Variants in DOCK1 observed in about 807,000 individuals in gnomAD.
DOCK1 encodes the protein dedicator of cytokinesis protein 1.
A neutral mutation model predicts 262.7 loss-of-function variants in DOCK1; 138 were observed. The observed-to-expected ratio is 0.53, with a 90% confidence interval of 0.46 to 0.61. The LOEUF is 0.61. Ranked by LOEUF, DOCK1 falls within the 20% of genes least tolerant of loss-of-function variation. The pLI is 0.00. For missense variants in DOCK1, 1,908 were observed against 2,370.7 expected (o/e 0.80, Z 4.05); for synonymous variants, 866 against 867.4 (o/e 1.00, Z 0.03).
At chr10:127,205,271 C>T (rs893388544) in intron 27 of DOCK1, among the ~76,000 whole-genome samples, 7 of 151,966 alleles carry the variant, frequency 4.6e-5, no homozygotes, top group Admixed American at 1.3e-4. Context: ...CTTTTTGGTC[C>T]GTGGGTGTTA....
At chr10:127,362,881 A>ATGTACATC (rs1210679096) in intron 33 of DOCK1, among the ~76,000 whole-genome samples, 14 of 133,660 alleles carry the variant, frequency 1.0e-4, no homozygotes, top group African/African-American at 3.8e-4. Context: ...ACACATACAC[A>ATGTACATC]TCCCCACACA....
chr10:127,261,876 G>A (rs1436912562), intron 29 of DOCK1, among the ~76,000 whole-genome samples: 1 of 139,862 alleles, frequency 7.1e-6, no homozygotes, highest in African/African-American at 2.8e-5. Context: ...GTGCGTGTGT[G>A]TACCCGTGCT....
At chr10:127,038,362 G>T (rs2043794043) in intron 19 of DOCK1, among the ~76,000 whole-genome samples, 1 of 152,154 alleles carries the variant, frequency 6.6e-6, no homozygotes, top group African/African-American at 2.4e-5. Context: ...CTCATCGTGG[G>T]TTCTGCGTCC....
chr10:127,253,158 C>T (rs2059711220), intron 28 of DOCK1, among the ~76,000 whole-genome samples: 1 of 152,196 alleles, frequency 6.6e-6, no homozygotes. Flanking sequence ...TGCTGACCTG[C>T]CCAAGGGGCT....
intron 29 of DOCK1, among the ~76,000 whole-genome samples, chr10:127,320,989 A>C (rs1303590605): frequency 6.6e-6 from 1 of 151,252 alleles, no homozygotes; most frequent in East Asian, 2.0e-4. Flanking sequence ...GCCTTCACTC[A>C]CTCTTCATCT....
chr10:127,425,083 A>G (rs1054250890), intron 46 of DOCK1, among the ~76,000 whole-genome samples: 1 of 152,264 alleles, frequency 6.6e-6, no homozygotes, highest in African/African-American at 2.4e-5. Flanking sequence ...CTGTCCTATT[A>G]GGAAAATCTG....
intron 1 of DOCK1, among the ~76,000 whole-genome samples, chr10:126,948,681 G>A (rs1029525850): frequency 1.3e-5 from 2 of 151,978 alleles, no homozygotes; most frequent in Admixed American, 6.6e-5. Context: ...CTGCTTCCCA[G>A]GAATCCTCAC....
intron 23 of DOCK1, among the ~76,000 whole-genome samples, chr10:127,080,103 G>T (rs7900338): frequency 2.0e-5 from 3 of 151,774 alleles, no homozygotes; most frequent in African/African-American, 4.8e-5. Flanking sequence ...CTTTGCGAGA[G>T]GAATGCAAAA....
chr10:126,994,491 G>C (rs1042111349), intron 6 of DOCK1, among the ~76,000 whole-genome samples: 14 of 152,228 alleles, frequency 9.2e-5, no homozygotes, highest in Admixed American at 4.6e-4. Flanking sequence ...TTGTGTCCCT[G>C]GGTACTTGAG....
chr10:127,031,927 AG>A (rs2043266138), intron 17 of DOCK1, among the ~76,000 whole-genome samples, 174 bp downstream of exon 17: 1 of 152,222 alleles, frequency 6.6e-6, no homozygotes, highest in African/African-American at 2.4e-5. Context: ...TAACGGGAAA[AG>A]ATGATATACA....
intron 27 of DOCK1, among the ~76,000 whole-genome samples, chr10:127,191,667 G>A (rs1343504637): frequency 2.0e-5 from 3 of 152,154 alleles, no homozygotes; most frequent in African/African-American, 4.8e-5. Context: ...ATCACCAGTG[G>A]AATGACCTAG....
At chr10:127,373,272 T>C (rs2065305784) in intron 33 of DOCK1, among the ~76,000 whole-genome samples, 1 of 152,122 alleles carries the variant, frequency 6.6e-6, no homozygotes, top group Admixed American at 6.5e-5. Context: ...CTCCTCTTGC[T>C]CTTTAGAACA....
intron 17 of DOCK1, 59 bp downstream of exon 17, chr10:127,031,812 T>C (rs2043258941): frequency 3.4e-6 from 5 of 1,488,216 alleles, no homozygotes; most frequent in Non-Finnish European, 1.8e-6. Flanking sequence ...TTTTCTGGGC[T>C]CCCTGACCTG....
chr10:127,026,069 A>AAAG, intron 15 of DOCK1: 1 of 310,222 alleles, frequency 3.2e-6, no homozygotes, highest in Non-Finnish European at 5.9e-6. Context: ...CAAAAAAAAA[A>AAAG]AAAGAAAGAA....
At chr10:127,413,370 G>A (rs753959441) in intron 43 of DOCK1, among the ~76,000 whole-genome samples, 4 of 152,320 alleles carry the variant, frequency 2.6e-5, no homozygotes, top group Middle Eastern at 6.8e-3. Context: ...CAAAGTGTTC[G>A]GAAGCTGCAG....
chr10:127,248,237 A>G, intron 28 of DOCK1, 128 bp downstream of exon 28: 1 of 860,794 alleles, frequency 1.2e-6, no homozygotes. Flanking sequence ...TTGATTTCAA[A>G]TGCCTCCTGG....
intron 38 of DOCK1, among the ~76,000 whole-genome samples, chr10:127,392,783 C>G (rs2066563269): frequency 6.6e-6 from 1 of 152,204 alleles, no homozygotes; most frequent in Admixed American, 6.5e-5. Flanking sequence ...TCCCACCCCA[C>G]TCTGCCACGT....
chr10:127,108,098 C>T (rs1564808486), intron 24 of DOCK1, among the ~76,000 whole-genome samples: 1 of 152,202 alleles, frequency 6.6e-6, no homozygotes, highest in Non-Finnish European at 1.5e-5. Context: ...TGTTCCTCCT[C>T]AATGCCTGTT....
chr10:127,017,662 G>A lies in DOCK1; in HGVS notation c.1202-1048G>A, dbSNP rs184294167. On this transcript the variant is annotated intron_variant, in intron 12 of 51. Transcript: ENST00000623213. ...GCTAGTAGCAGAAATGAGGACAGAGGCTTTGATGTTCTGAGGGGCAGATGA... is the reference window on the plus strand; with the variant it reads ...GCTAGTAGCAGAAATGAGGACAGAGACTTTGATGTTCTGAGGGGCAGATGA... 1.9e-3 allele frequency among the ~76,000 whole-genome samples: 297 copies of A among 152,314 alleles called. 1 individual carries two copies. The highest frequency in any genetic ancestry group is 7.0e-3 in the African/African-American group (290 of 41,582).
Sources: allele counts gnomAD v4.1 joint callset (sites outside exome capture counted in the v4.1 genomes callset), GRCh38; gene constraint gnomAD v4.1.1; transcripts MANE v1.5; gene names NCBI Gene and HGNC (gene_info 2026-07-23, HGNC 2026-07-21).